The following AP3B1 variants were observed in gnomAD, a reference collection of about 807,000 sequenced individuals.
AP3B1 encodes the protein AP-3 complex subunit beta-1.
AP3B1 carries 61 observed loss-of-function variants against 132.5 expected under a neutral mutation model. That is an observed-to-expected ratio of 0.46 (90% confidence interval 0.37 to 0.57). The LOEUF (loss-of-function observed/expected upper bound fraction) is 0.57. Among genes scored for constraint, AP3B1 ranks in the 20% least tolerant of loss-of-function variants. AP3B1 has a pLI of 0.00. For missense variants in AP3B1, 1,120 were observed against 1,289.4 expected (o/e 0.87, Z 2.01); for synonymous variants, 388 against 438.3 (o/e 0.89, Z 1.43).
chr5:78,229,575 C>A (rs7447399), intron 3 of AP3B1, among the ~76,000 whole-genome samples: 10,133 of 133,924 alleles, frequency 0.076, 584 homozygotes, highest in African/African-American at 0.15. Flanking sequence ...TCTAGTAAAA[C>A]AAAAAAAAAA....
chr5:78,132,905 TA>T (rs573336723), intron 15 of AP3B1, among the ~76,000 whole-genome samples: 156 of 152,228 alleles, frequency 1.0e-3, no homozygotes, highest in African/African-American at 3.7e-3. Context: ...TATAACAAGA[TA>T]AAAAAAGAAC....
intron 24 of AP3B1, among the ~76,000 whole-genome samples, chr5:78,022,802 T>C (rs955356682): frequency 6.6e-6 from 1 of 152,068 alleles, no homozygotes; most frequent in Non-Finnish European, 1.5e-5. Flanking sequence ...CTAGGCAGGA[T>C]TTTGATTTTT....
At chr5:78,270,625 T>A (rs1182268459) in intron 1 of AP3B1, among the ~76,000 whole-genome samples, 1 of 152,154 alleles carries the variant, frequency 6.6e-6, no homozygotes, top group Non-Finnish European at 1.5e-5. Flanking sequence ...CAAATATGAA[T>A]GGATATGCAG....
chr5:78,065,270 C>A (rs2112151549), intron 22 of AP3B1, among the ~76,000 whole-genome samples: 1 of 152,272 alleles, frequency 6.6e-6, no homozygotes, highest in Non-Finnish European at 1.5e-5. Flanking sequence ...TCTCAGTGGC[C>A]CCTCGGCTGG....
At chr5:78,008,344 G>A (rs1422032527) in intron 26 of AP3B1, among the ~76,000 whole-genome samples, 1 of 152,144 alleles carries the variant, frequency 6.6e-6, no homozygotes. Context: ...TAGTAAAATT[G>A]TTGCATTAGA....
At chr5:78,177,243 CAG>C (rs1388901248) in intron 9 of AP3B1, 94 bp downstream of exon 9, 7 of 793,882 alleles carry the variant, frequency 8.8e-6, no homozygotes, top group African/African-American at 1.7e-5. Flanking sequence ...AAAATATAGT[CAG>C]AGTTATATAT....
intron 11 of AP3B1, among the ~76,000 whole-genome samples, chr5:78,166,524 A>C (rs1743636686): frequency 6.6e-6 from 1 of 152,220 alleles, no homozygotes; most frequent in African/African-American, 2.4e-5. Flanking sequence ...TTCTGGATTT[A>C]TAGATATAAA....
intron 24 of AP3B1, among the ~76,000 whole-genome samples, chr5:78,028,103 CG>C (rs1747412443): frequency 1.3e-5 from 2 of 151,116 alleles, no homozygotes; most frequent in Non-Finnish European, 2.9e-5. Flanking sequence ...TCCAGCCTGG[CG>C]ACAGAGTAAG....
intron 20 of AP3B1, among the ~76,000 whole-genome samples, chr5:78,103,655 G>A (rs1254374797): frequency 6.6e-6 from 1 of 151,910 alleles, no homozygotes; most frequent in African/African-American, 2.4e-5. Context: ...CTTTTATAAG[G>A]ACAACAGTAA....
At chr5:78,048,772 T>C (rs1315825694) in intron 22 of AP3B1, among the ~76,000 whole-genome samples, 2 of 152,230 alleles carry the variant, frequency 1.3e-5, no homozygotes, top group Non-Finnish European at 2.9e-5. Context: ...ACTGTAGCTG[T>C]AATTTCCTAT....
chr5:78,186,208 G>C (rs1200241459), intron 7 of AP3B1, among the ~76,000 whole-genome samples: 3 of 152,038 alleles, frequency 2.0e-5, no homozygotes, highest in Admixed American at 2.0e-4. Flanking sequence ...AAAATACATA[G>C]CATGCTAATA....
At chr5:78,141,109 G>A (rs772150537) in intron 15 of AP3B1, 34 bp downstream of exon 15, 23 of 1,591,250 alleles carry the variant, frequency 1.4e-5, no homozygotes, top group Middle Eastern at 1.7e-4. Context: ...AGGAAAGTAC[G>A]TATTAGATAG....
In AP3B1 at chr5:78,194,897, A is replaced by G. The variant is rs114543552; in HGVS notation, c.787-13235T>C. Among the ~76,000 whole-genome samples the G allele has an allele frequency of 2.6e-3, 390 of 152,324 alleles. 1 individual carries two copies. The highest frequency in any genetic ancestry group is 8.9e-3 in the African/African-American group (369 of 41,584). On this transcript the variant is annotated intron_variant, in intron 7 of 26. Transcript: ENST00000255194. Reference sequence around the variant, plus strand: ...AAAAAGGAGTCCTCAAAATGTCTCTAAAATATATGTGATAAAACTATTTCA... The same window carrying G: ...AAAAAGGAGTCCTCAAAATGTCTCTGAAATATATGTGATAAAACTATTTCA...
intron 14 of AP3B1, among the ~76,000 whole-genome samples, chr5:78,143,958 T>C (rs191019329): frequency 2.0e-5 from 3 of 152,194 alleles, no homozygotes; most frequent in Admixed American, 1.3e-4. Flanking sequence ...TGAGCTAAGA[T>C]TGTGCCACTG....
chr5:78,111,030 T>TTA (rs1306712230), intron 19 of AP3B1, among the ~76,000 whole-genome samples: 2 of 152,076 alleles, frequency 1.3e-5, no homozygotes, highest in African/African-American at 4.8e-5. Flanking sequence ...AATATTGGGA[T>TTA]TATAGGCTTG....
At chr5:78,075,978 T>C (rs147150254) in intron 22 of AP3B1, among the ~76,000 whole-genome samples, 1 of 152,310 alleles carries the variant, frequency 6.6e-6, no homozygotes, top group Admixed American at 6.5e-5. Context: ...AGAAGAGTAG[T>C]TCAGGTATCT....
intron 2 of AP3B1, among the ~76,000 whole-genome samples, chr5:78,249,589 T>C (rs931387844): frequency 6.8e-6 from 1 of 146,168 alleles, no homozygotes; most frequent in African/African-American, 2.5e-5. Context: ...CTTTTTTTTT[T>C]TTTTTTTTTT....
chr5:78,293,749 T>C (rs1375861414), intron 1 of AP3B1, among the ~76,000 whole-genome samples: 2 of 152,184 alleles, frequency 1.3e-5, no homozygotes, highest in Non-Finnish European at 2.9e-5. Flanking sequence ...TTTCTTTCCA[T>C]TTCTCGGTGA....
At chr5:78,214,831 T>A (rs890509888) in intron 7 of AP3B1, among the ~76,000 whole-genome samples, 1 of 152,166 alleles carries the variant, frequency 6.6e-6, no homozygotes, top group African/African-American at 2.4e-5. Flanking sequence ...TAAAATTTCA[T>A]CAATTTAAGA....
Sources: allele counts gnomAD v4.1 joint callset (sites outside exome capture counted in the v4.1 genomes callset), GRCh38; gene constraint gnomAD v4.1.1; transcripts MANE v1.5; gene names NCBI Gene and HGNC (gene_info 2026-07-23, HGNC 2026-07-21).